Variants in NUDT19 observed in about 807,000 individuals in gnomAD.
The protein encoded by NUDT19 is acyl-coenzyme A diphosphatase NUDT19.
Under a neutral mutation model 22.2 loss-of-function variants are expected in NUDT19, and 31 were observed. The ratio of observed to expected loss-of-function variants is 1.40; its 90% CI spans 1.05 to 1.89. The LOEUF is 1.89. Among genes scored for constraint, NUDT19 ranks in the 40% most tolerant of loss-of-function variants. The pLI is 0.00. For synonymous variants in NUDT19, 325 were observed against 230.8 expected (o/e 1.41, Z -3.70); for missense variants, 752 against 514.2 (o/e 1.46, Z -4.47).
intron 1 of NUDT19, among the ~76,000 whole-genome samples, chr19:32,700,053 A>G (rs183691401): frequency 1.5e-4 from 23 of 152,246 alleles, no homozygotes; most frequent in African/African-American, 5.5e-4. Flanking sequence ...TCATAAAGGT[A>G]GTGTAAACCC....
chr19:32,692,602 G>C lies in NUDT19; in HGVS notation c.642G>C (p.Thr214=). ...GGGGCACCACTCGCCGCTTTGACAC[G>C]GCCTTCTTCCTGTGCTGCCTGCGCG... The part of the protein sequence containing the change: ...FLRGTTRRFD[T]AFFLCCLREP... Residue 214 remains threonine, a synonymous_variant, in exon 1 of 3, where the codon ACG becomes ACC. Transcript: ENST00000397061. 3.2e-6 allele frequency: 5 copies of C among 1,575,136 alleles called. No homozygotes were observed. The highest frequency in any genetic ancestry group is 3.4e-6 in the Non-Finnish European group (4 of 1,165,578).
chr19:32,697,182 C>T (rs554656187), intron 1 of NUDT19, among the ~76,000 whole-genome samples: 1 of 152,296 alleles, frequency 6.6e-6, no homozygotes, highest in Admixed American at 6.5e-5. Flanking sequence ...ATGACTAAGT[C>T]TGCGGCCTTT....
intron 1 of NUDT19, among the ~76,000 whole-genome samples, chr19:32,697,143 A>G (rs941245064): frequency 3.9e-5 from 6 of 152,104 alleles, no homozygotes; most frequent in African/African-American, 1.4e-4. Context: ...GTCCCCTCTG[A>G]ACCACCAAGG....
intron 1 of NUDT19, among the ~76,000 whole-genome samples, chr19:32,697,988 C>A (rs1364205724): frequency 6.6e-6 from 1 of 152,108 alleles, no homozygotes; most frequent in Non-Finnish European, 1.5e-5. Context: ...TTGGAGATTT[C>A]TTTGCTTATT....
At chr19:32,699,072 G>A (rs1395480179) in intron 1 of NUDT19, among the ~76,000 whole-genome samples, 1 of 152,170 alleles carries the variant, frequency 6.6e-6, no homozygotes, top group Non-Finnish European at 1.5e-5. Flanking sequence ...GCTTTTCTGA[G>A]GAGGGATTCT....
chr19:32,692,951 A>T (rs754755783), intron 1 of NUDT19, among the ~76,000 whole-genome samples: 1 of 152,252 alleles, frequency 6.6e-6, no homozygotes, highest in African/African-American at 2.4e-5. Flanking sequence ...GCACTTGTAC[A>T]TGTGTAGACA....
At chr19:32,692,739 G>A in intron 1 of NUDT19, 65 bp downstream of exon 1, 5 of 1,291,734 alleles carry the variant, frequency 3.9e-6, no homozygotes, top group Non-Finnish European at 4.1e-6. Flanking sequence ...CCTCCCAGCG[G>A]CCCAGGCCCC....
chr19:32,696,272 A>G (rs1968262802), intron 1 of NUDT19, among the ~76,000 whole-genome samples: 1 of 152,240 alleles, frequency 6.6e-6, no homozygotes, highest in Non-Finnish European at 1.5e-5. Context: ...CATCATGAGT[A>G]GTCCAGACAG....
intron 1 of NUDT19, among the ~76,000 whole-genome samples, chr19:32,702,745 T>C (rs1968349076): frequency 6.6e-6 from 1 of 152,276 alleles, no homozygotes; most frequent in African/African-American, 2.4e-5. Flanking sequence ...ATATCTACCA[T>C]CTTACTGCTC....
intron 1 of NUDT19, among the ~76,000 whole-genome samples, chr19:32,695,781 T>G (rs1400222110): frequency 6.6e-6 from 1 of 152,258 alleles, no homozygotes; most frequent in East Asian, 1.9e-4. Flanking sequence ...GAACGCTCTT[T>G]CTTTACATAT....
intron 1 of NUDT19, among the ~76,000 whole-genome samples, chr19:32,698,154 T>C (rs1818289023): frequency 6.6e-6 from 1 of 152,224 alleles, no homozygotes; most frequent in Non-Finnish European, 1.5e-5. Context: ...AAAAGAAAAC[T>C]TAGACATAAG....
At chr19:32,706,660 G>A (rs938065407) in intron 1 of NUDT19, among the ~76,000 whole-genome samples, 1 of 152,140 alleles carries the variant, frequency 6.6e-6, no homozygotes, top group African/African-American at 2.4e-5. Flanking sequence ...TCCAGCCTGG[G>A]TAACAAAAGC....
At chr19:32,696,020 G>C (rs780022001) in intron 1 of NUDT19, among the ~76,000 whole-genome samples, 1 of 152,126 alleles carries the variant, frequency 6.6e-6, no homozygotes, top group Non-Finnish European at 1.5e-5. Context: ...CGGTATATAG[G>C]TTAAGGTCAG....
intron 1 of NUDT19, among the ~76,000 whole-genome samples, chr19:32,699,745 T>C (rs1968311302): frequency 6.6e-6 from 1 of 152,216 alleles, no homozygotes; most frequent in Non-Finnish European, 1.5e-5. Flanking sequence ...ATTGGTTCCT[T>C]CTGGTGGGTT....
Position 32,692,326 on chromosome 19 carries a change from A to C in NUDT19, c.366A>C (p.Val122=), listed in dbSNP as rs771161775. ...TDNTGTLPED[V]AFRICAVREA... ...ACACTGGGACGCTGCCTGAGGACGT[A>C]GCCTTCCGCATCTGCGCCGTGCGGG... Residue 122 remains valine, a synonymous_variant, in exon 1 of 3, where the codon GTA becomes GTC. Coordinates refer to ENST00000397061, the MANE Select transcript of NUDT19 (RefSeq NM_001105570.2). 3 of 1,592,062 alleles carry C rather than the reference A, an allele frequency of 1.9e-6. No homozygotes were observed. In the African/African-American group the frequency reaches 4.1e-5, roughly 22 times the overall value.
intron 1 of NUDT19, among the ~76,000 whole-genome samples, chr19:32,701,671 A>G (rs79483598): frequency 0.028 from 4,312 of 152,206 alleles, 186 homozygotes; most frequent in East Asian, 0.23. Context: ...TACATTTAGG[A>G]CTTTTAAAAG....
chr19:32,707,430 G>A (rs552445737), intron 1 of NUDT19, among the ~76,000 whole-genome samples: 5 of 152,298 alleles, frequency 3.3e-5, no homozygotes, highest in East Asian at 1.9e-4. Flanking sequence ...AAGCATGTAC[G>A]AGCTTGCAAA....
intron 1 of NUDT19, among the ~76,000 whole-genome samples, chr19:32,704,804 C>CT (rs200039474): frequency 0.011 from 1,661 of 151,924 alleles, 39 homozygotes; most frequent in African/African-American, 0.038. Context: ...TGTCACATTC[C>CT]TTAAAGAGTA....
intron 1 of NUDT19, among the ~76,000 whole-genome samples, chr19:32,695,256 C>T (rs1028071175): frequency 1.3e-5 from 2 of 152,034 alleles, no homozygotes; most frequent in South Asian, 2.1e-4. Context: ...CTAGGCTCAC[C>T]GCAACCTCTG....
Sources: gnomAD v4.1 joint callset for allele counts (sites outside exome capture counted in the v4.1 genomes callset) on GRCh38, gnomAD v4.1.1 for gene constraint, MANE v1.5 for transcripts, NCBI Gene and HGNC (gene_info 2026-07-23, HGNC 2026-07-21) for gene names.